ETFA: variants seen among roughly 807,000 people sequenced by gnomAD.
ETFA encodes the protein electron transfer flavoprotein subunit alpha.
Under a neutral mutation model 46.2 loss-of-function variants are expected in ETFA, and 22 were observed. That is an observed-to-expected ratio of 0.48 (90% CI 0.34 to 0.68). The LOEUF is 0.68. Among genes scored for constraint, ETFA ranks in the 30% least tolerant of loss-of-function variants. The probability of loss-of-function intolerance (pLI) is 0.01; values close to 1 mark genes in which losing one functional copy is unlikely to be tolerated. For missense variants in ETFA, 345 were observed against 401.1 expected, an observed-to-expected ratio of 0.86 and a Z score of 1.19; for synonymous variants, 131 against 139.9, an observed-to-expected ratio of 0.94 and a Z score of 0.45.
At chr15:76,260,880 A>T in intron 9 of ETFA, 1 of 1,611,908 alleles carries the variant, frequency 6.2e-7, no homozygotes, top group South Asian at 1.1e-5. Context: ...GGGCACAAGG[A>T]CCACAACAGC....
intron 9 of ETFA, among the ~76,000 whole-genome samples, chr15:76,258,703 CAT>C (rs2039371780): frequency 6.6e-6 from 1 of 152,208 alleles, no homozygotes; most frequent in Admixed American, 6.5e-5. Context: ...ACCATGGAAA[CAT>C]AATCACTCTG....
intron 6 of ETFA, 93 bp from the exon 7 acceptor site, chr15:76,285,831 CA>C: frequency 1.2e-6 from 1 of 853,886 alleles, no homozygotes; most frequent in Non-Finnish European, 2.0e-6. Context: ...TATATAATTC[CA>C]CGAAATTTAA....
intron 9 of ETFA, among the ~76,000 whole-genome samples, chr15:76,255,338 T>G (rs1346677055): frequency 6.6e-6 from 1 of 152,180 alleles, no homozygotes; most frequent in Non-Finnish European, 1.5e-5. Flanking sequence ...ATAAATGACA[T>G]GAGTTTAAGA....
intron 10 of ETFA, among the ~76,000 whole-genome samples, chr15:76,226,728 A>T (rs2039008287): frequency 6.6e-6 from 1 of 150,584 alleles, no homozygotes; most frequent in Admixed American, 6.6e-5. Flanking sequence ...AAACACAAAA[A>T]ATTAGCCGGG....
chr15:76,278,381 C>G (rs1219241367), intron 8 of ETFA, among the ~76,000 whole-genome samples: 1 of 152,190 alleles, frequency 6.6e-6, no homozygotes, highest in Non-Finnish European at 1.5e-5. Flanking sequence ...ACCTTAAATT[C>G]TATGATCAAT....
intron 2 of ETFA, among the ~76,000 whole-genome samples, chr15:76,293,887 A>C (rs1420989446): frequency 6.6e-6 from 1 of 152,270 alleles, no homozygotes; most frequent in African/African-American, 2.4e-5. Flanking sequence ...ACTTTAAGAG[A>C]ATTTCCAATT....
Position 76,238,079 on chromosome 15 carries a change from C to T in ETFA, c.817-6681G>A, listed in dbSNP as rs201698741. 3.3e-5 allele frequency among the ~76,000 whole-genome samples: 5 copies of T among 152,202 alleles called. No homozygotes were observed. In the East Asian group the frequency reaches 9.6e-4, roughly 29 times the overall value. The stretch of plus-strand genomic sequence containing the variant: ...AGTTGATCATATTAAAAATATAATA[C>T]ATATGAAGTTGAAATTATGTGAGTT... On this transcript the variant is annotated intron_variant, in intron 9 of 11. Transcript: ENST00000557943.
intron 9 of ETFA, among the ~76,000 whole-genome samples, chr15:76,267,405 G>A (rs1036669111): frequency 3.0e-4 from 46 of 152,228 alleles, no homozygotes; most frequent in African/African-American, 1.0e-3. Context: ...ATATTAATTC[G>A]CAAGAATGGC....
intron 8 of ETFA, 82 bp downstream of exon 8, chr15:76,283,675 G>T: frequency 3.0e-6 from 3 of 985,520 alleles, no homozygotes; most frequent in Non-Finnish European, 3.2e-6. Flanking sequence ...AGGGCTGAAA[G>T]ACTTACACAA....
intron 8 of ETFA, among the ~76,000 whole-genome samples, chr15:76,277,117 T>C (rs2039601099): frequency 1.3e-5 from 2 of 152,198 alleles, no homozygotes; most frequent in South Asian, 4.1e-4. Flanking sequence ...TCTTGGTCTT[T>C]TACTAAGACC....
At chr15:76,303,190 C>G (rs1287044289) in intron 1 of ETFA, among the ~76,000 whole-genome samples, 1 of 152,080 alleles carries the variant, frequency 6.6e-6, no homozygotes, top group Non-Finnish European at 1.5e-5. Context: ...AGTCTGTAAT[C>G]CCAGCTCTTC....
chr15:76,237,280 T>C (rs1233018676), intron 9 of ETFA, among the ~76,000 whole-genome samples: 3 of 152,202 alleles, frequency 2.0e-5, no homozygotes, highest in African/African-American at 7.2e-5. Flanking sequence ...CTCGAATTCC[T>C]GACCTCAGGT....
At chr15:76,286,124 CTTAATA>C (rs887889882) in intron 6 of ETFA, among the ~76,000 whole-genome samples, 50 of 152,332 alleles carry the variant, frequency 3.3e-4, no homozygotes, top group African/African-American at 1.0e-3. Flanking sequence ...AAAGCTTAAT[CTTAATA>C]GATCCTCTGT....
intron 11 of ETFA, among the ~76,000 whole-genome samples, chr15:76,223,216 CTTT>C (rs3065601): frequency 4.1e-5 from 5 of 122,016 alleles, no homozygotes; most frequent in African/African-American, 9.1e-5. Context: ...TACTTCAGAA[CTTT>C]TTTTTTTTTT....
Position 76,251,815 on chromosome 15 carries a change from A to G in ETFA, c.817-20417T>C, listed in dbSNP as rs546605352. On this transcript the variant is annotated intron_variant, in intron 9 of 11. Coordinates refer to ENST00000557943, the MANE Select transcript of ETFA (RefSeq NM_000126.4). ...TGAACAGCAGATACGAAATCACATA[A>G]TTTCTGCCTCTCACGAAAATGCACT... 2.6e-5 allele frequency among the ~76,000 whole-genome samples: 4 copies of G among 152,300 alleles called. No individual in the cohort carries two copies. The East Asian group carries it at 7.7e-4, about 29-fold the overall frequency.
intron 11 of ETFA, among the ~76,000 whole-genome samples, chr15:76,218,428 C>CT (rs1944174007): frequency 6.6e-6 from 1 of 152,110 alleles, no homozygotes; most frequent in Non-Finnish European, 1.5e-5. Context: ...CCACCACACC[C>CT]GGCTAATTTT....
intron 9 of ETFA, among the ~76,000 whole-genome samples, chr15:76,254,568 A>G (rs1476700207): frequency 6.6e-6 from 1 of 152,230 alleles, no homozygotes; most frequent in Non-Finnish European, 1.5e-5. Flanking sequence ...GAGAGCCCCA[A>G]GACCCTTTCA....
chr15:76,225,980 C>T, intron 10 of ETFA, 51 bp from the exon 11 acceptor site: 2 of 1,037,272 alleles, frequency 1.9e-6, no homozygotes, highest in African/African-American at 1.7e-5. Flanking sequence ...ACATTTCACA[C>T]AGACTGATAG....
At chr15:76,269,173 G>A (rs1243318365) in intron 9 of ETFA, among the ~76,000 whole-genome samples, 2 of 152,182 alleles carry the variant, frequency 1.3e-5, no homozygotes, top group Non-Finnish European at 2.9e-5. Flanking sequence ...AGAGAAAGCT[G>A]CCGTCAAGAA....
Sources: allele counts gnomAD v4.1 joint callset (sites outside exome capture counted in the v4.1 genomes callset), GRCh38; gene constraint gnomAD v4.1.1; transcripts MANE v1.5; gene names NCBI Gene and HGNC (gene_info 2026-07-23, HGNC 2026-07-21).